PRKACB: variants seen among roughly 807,000 people sequenced by gnomAD.
PRKACB encodes the protein protein kinase cAMP-activated catalytic subunit beta, also known as cAMP-dependent protein kinase catalytic subunit beta.
In PRKACB, 16 loss-of-function variants were observed where a neutral mutation model predicts 51.4. The ratio of observed to expected loss-of-function variants is 0.31; its 90% confidence interval spans 0.21 to 0.47. The LOEUF (loss-of-function observed/expected upper bound fraction) is 0.47. PRKACB is among the 20% of genes least tolerant of loss of function. The pLI is 1.00. For synonymous variants in PRKACB, 147 were observed against 154.4 expected (o/e 0.95, Z 0.35); for missense variants, 309 against 464.5 (o/e 0.67, Z 3.08).
chr1:84,128,242 C>G (rs1337963954), intron 1 of PRKACB, among the ~76,000 whole-genome samples: 1 of 150,736 alleles, frequency 6.6e-6, no homozygotes, highest in East Asian at 1.9e-4. Flanking sequence ...AATGTATGTA[C>G]CTTAGCTGCA....
chr1:84,176,942 G>A (rs773443820), intron 1 of PRKACB, among the ~76,000 whole-genome samples: 4 of 151,922 alleles, frequency 2.6e-5, no homozygotes, highest in Non-Finnish European at 4.4e-5. Flanking sequence ...GCAGGGAAAA[G>A]GAATTTTTTT....
At chr1:84,219,309 C>T (rs1393133748) in intron 9 of PRKACB, among the ~76,000 whole-genome samples, 1 of 151,622 alleles carries the variant, frequency 6.6e-6, no homozygotes, top group Admixed American at 6.6e-5. Flanking sequence ...GCTGCACCCT[C>T]CACCTCCCAG....
chr1:84,111,515 T>A (rs1445094548), intron 1 of PRKACB, among the ~76,000 whole-genome samples: 1 of 152,092 alleles, frequency 6.6e-6, no homozygotes, highest in Non-Finnish European at 1.5e-5. Flanking sequence ...ACATAATCCT[T>A]CCATTATTTG....
intron 7 of PRKACB, among the ~76,000 whole-genome samples, chr1:84,202,223 A>G (rs1167311567): frequency 6.6e-6 from 1 of 152,084 alleles, no homozygotes; most frequent in Non-Finnish European, 1.5e-5. Flanking sequence ...TTTGAAGTCA[A>G]CTTCATTATT....
intron 8 of PRKACB, chr1:84,204,642 A>C: frequency 8.7e-7 from 1 of 1,154,398 alleles, no homozygotes; most frequent in Non-Finnish European, 1.1e-6. Context: ...ATGGAAGAAG[A>C]ATATTTTACT....
At chr1:84,202,833 C>G (rs1294164253) in intron 8 of PRKACB, 28 bp downstream of exon 8, 1 of 1,534,590 alleles carries the variant, frequency 6.5e-7, no homozygotes, top group East Asian at 2.3e-5. Context: ...TTATTCCTCT[C>G]TTATTACTGT....
chr1:84,145,611 G>A (rs1653951770), intron 1 of PRKACB, among the ~76,000 whole-genome samples: 1 of 151,940 alleles, frequency 6.6e-6, no homozygotes, highest in South Asian at 2.1e-4. Context: ...CTATTTTTGG[G>A]AGATTGAGGA....
chr1:84,235,176 A>G lies in PRKACB; in HGVS notation c.1072-4A>G, dbSNP rs947576366. On this transcript the variant is annotated splice_region_variant and splice_polypyrimidine_tract_variant and intron_variant, in intron 9 of 9. Coordinates refer to ENST00000370685, the MANE Select transcript of PRKACB (RefSeq NM_182948.4). Reference sequence around the variant, plus strand: ...TCTTATTTTTCTCTCCCTCTCAATTATAGGTTGAAGCTCCATTCATACCAA... The same window carrying G: ...TCTTATTTTTCTCTCCCTCTCAATTGTAGGTTGAAGCTCCATTCATACCAA... 6 of 1,602,418 alleles carry G rather than the reference A, an allele frequency of 3.7e-6. No homozygotes were observed. The highest frequency in any genetic ancestry group is 4.5e-5 in the East Asian group (2 of 44,818).
chr1:84,216,024 A>G (rs1672834149), intron 9 of PRKACB, among the ~76,000 whole-genome samples: 2 of 152,090 alleles, frequency 1.3e-5, no homozygotes, highest in East Asian at 1.9e-4. Flanking sequence ...TTTCTAATTT[A>G]TATATTTTAC....
intron 1 of PRKACB, among the ~76,000 whole-genome samples, chr1:84,160,767 C>G (rs1413948730): frequency 6.6e-6 from 1 of 151,176 alleles, no homozygotes; most frequent in African/African-American, 2.4e-5. Context: ...GATTTAATAT[C>G]TAAATATTTA....
At chr1:84,213,412 A>G (rs1000111463) in intron 8 of PRKACB, among the ~76,000 whole-genome samples, 8 of 152,214 alleles carry the variant, frequency 5.3e-5, no homozygotes, top group African/African-American at 1.7e-4. Context: ...AACAAAATGA[A>G]AAATAGACTT....
chr1:84,192,062 G>A (rs1572264461), intron 5 of PRKACB, among the ~76,000 whole-genome samples: 1 of 151,936 alleles, frequency 6.6e-6, no homozygotes, highest in East Asian at 1.9e-4. Context: ...AAATATTACA[G>A]CTTTTATTTT....
intron 1 of PRKACB, among the ~76,000 whole-genome samples, chr1:84,119,755 A>G (rs1650915140): frequency 6.6e-6 from 1 of 152,144 alleles, no homozygotes; most frequent in Non-Finnish European, 1.5e-5. Flanking sequence ...AGGCACACAT[A>G]TAGCATAGCA....
intron 9 of PRKACB, among the ~76,000 whole-genome samples, chr1:84,223,470 G>A (rs1428023190): frequency 6.7e-6 from 1 of 149,852 alleles, no homozygotes; most frequent in African/African-American, 2.5e-5. Context: ...CTGGGTTCAC[G>A]CCATTCTCCT....
chr1:84,198,991 G>A (rs532435723), intron 7 of PRKACB, among the ~76,000 whole-genome samples: 1 of 144,106 alleles, frequency 6.9e-6, no homozygotes. Context: ...ATGTATATAT[G>A]TATATGTGTA....
intron 5 of PRKACB, among the ~76,000 whole-genome samples, chr1:84,192,741 A>G (rs922568655): frequency 4.6e-5 from 7 of 152,142 alleles, no homozygotes; most frequent in Non-Finnish European, 8.8e-5. Flanking sequence ...TTTTGTCACC[A>G]TGGTCTTTTA....
rs762057933 is a variant in PRKACB, at chr1:84,235,191, A to C, written c.1083A>C (p.Pro361=). ...IAIYQRKVEA[P]FIPKFRGSGD... ...CCTCTCAATTATAGGTTGAAGCTCC[A>C]TTCATACCAAAGTTTAGAGGCTCTG... The change falls in exon 10 of 10, where the codon CCA becomes CCC. Residue 361 remains proline (P), a synonymous_variant. Coordinates refer to ENST00000370685, the MANE Select transcript of PRKACB (RefSeq NM_182948.4). 5.6e-6 allele frequency: 9 copies of C among 1,613,520 alleles called. No individual in the cohort carries two copies. The highest frequency in any genetic ancestry group is 7.6e-6 in the Non-Finnish European group (9 of 1,179,798).
upstream of PRKACB, among the ~76,000 whole-genome samples, chr1:84,141,476 A>G (rs1653411307): frequency 1.3e-5 from 2 of 152,084 alleles, no homozygotes; most frequent in Admixed American, 1.3e-4. Context: ...ACATATAGAA[A>G]CATTGCTTTA....
chr1:84,205,068 C>T, intron 8 of PRKACB: 1 of 982,288 alleles, frequency 1.0e-6, no homozygotes, highest in East Asian at 1.1e-4. Flanking sequence ...TTTTCCCCTT[C>T]ATTTATTTAG....
Sources: allele counts gnomAD v4.1 joint callset (sites outside exome capture counted in the v4.1 genomes callset), GRCh38; gene constraint gnomAD v4.1.1; transcripts MANE v1.5; gene names NCBI Gene and HGNC (gene_info 2026-07-23, HGNC 2026-07-21).